Variants in PCDHGA4 observed in about 807,000 individuals in gnomAD.
PCDHGA4 encodes the protein protocadherin gamma-A4.
A neutral mutation model predicts 54.6 loss-of-function variants in PCDHGA4; 38 were observed. The ratio of observed to expected loss-of-function variants is 0.70; its 90% CI spans 0.54 to 0.91. The LOEUF (loss-of-function observed/expected upper bound fraction) is 0.91, where lower values mean the gene tolerates loss of function less well. PCDHGA4 is among the 40% of genes least tolerant of loss of function. The pLI is 0.00. For missense variants in PCDHGA4, 1,298 were observed against 1,220.9 expected, an observed-to-expected ratio of 1.06 and a Z score of -0.94; for synonymous variants, 511 against 512.9, an observed-to-expected ratio of 1.00 and a Z score of 0.05.
At position 141,397,489 on chromosome 5, in the gene PCDHGA4, A is replaced by G. The variant is rs568778994; in HGVS notation, c.2514+39868A>G. 3.3e-5 allele frequency among the ~76,000 whole-genome samples: 5 copies of G among 152,372 alleles called. No homozygotes were observed. In the East Asian group the frequency reaches 9.6e-4, roughly 29 times the overall value. ...GGAGTTGGAAATCATAGAAATGAAC[A>G]GAAGAATGATAAAATTGTTTCCATA... On this transcript the variant is annotated intron_variant, in intron 1 of 3. Coordinates refer to ENST00000571252, the MANE Select transcript of PCDHGA4 (RefSeq NM_018917.4).
intron 2 of PCDHGA4, among the ~76,000 whole-genome samples, chr5:141,502,866 C>CTCTTTTTTT (rs1554188502): frequency 7.8e-6 from 1 of 128,046 alleles, no homozygotes; most frequent in African/African-American, 3.1e-5. Context: ...GACTCTCTGT[C>CTCTTTTTTT]TTTTTTTTTT....
At chr5:141,418,530 G>T in intron 1 of PCDHGA4, 6 of 1,613,952 alleles carry the variant, frequency 3.7e-6, no homozygotes, top group Non-Finnish European at 5.1e-6. Flanking sequence ...CCCCGAAGCG[G>T]TACTGCTCAG....
chr5:141,374,334 T>G, intron 1 of PCDHGA4: 2 of 1,614,018 alleles, frequency 1.2e-6, no homozygotes, highest in South Asian at 2.2e-5. Flanking sequence ...AACGGCAGCT[T>G]GGTCACCGCG....
chr5:141,412,906 TG>T (rs2095588206), intron 1 of PCDHGA4: 2 of 384,208 alleles, frequency 5.2e-6, no homozygotes, highest in Admixed American at 8.2e-5. Context: ...TTCCATTGCA[TG>T]TATCACTTGG....
At chr5:141,440,113 G>A (rs1375262224) in intron 1 of PCDHGA4, 1 of 152,248 alleles carries the variant, frequency 6.6e-6, no homozygotes, top group Non-Finnish European at 1.5e-5. Context: ...ACTTACTTGT[G>A]AATGACTGAA....
At chr5:141,398,727 A>G in intron 1 of PCDHGA4, 1 of 1,613,894 alleles carries the variant, frequency 6.2e-7, no homozygotes, top group Middle Eastern at 1.6e-4. Flanking sequence ...AGAAAACCTT[A>G]GACCGGGAAC....
Position 141,486,859 on chromosome 5 carries a change from T to C in PCDHGA4, c.2515-7948T>C, listed in dbSNP as rs1231188225. ...TTGTGCTGGACCTCAATGACAATGC[T>C]CCAGCTGTGCTCCGTCCTCGGGCCC... On this transcript the variant is annotated intron_variant, in intron 1 of 3. Transcript: ENST00000571252. The surrounding 1 kb of genome is among the most constrained non-coding windows in gnomAD (Gnocchi z 5.0). The C allele has an allele frequency of 1.9e-6, 3 of 1,614,242 alleles. No individual in the cohort carries two copies. The highest frequency in any genetic ancestry group is 2.7e-5 in the African/African-American group (2 of 75,072).
intron 3 of PCDHGA4, 57 bp from the exon 4 acceptor site, chr5:141,510,890 A>G (rs1434557860): frequency 1.2e-5 from 20 of 1,612,748 alleles, no homozygotes; most frequent in South Asian, 3.3e-5. Context: ...GATATAAGAC[A>G]GTGACTGTTG....
chr5:141,357,225 G>A lies in PCDHGA4; in HGVS notation c.2118G>A (p.Leu706=). ...ADSIPDVLAD[L]GSLKPSADPD... is the part of the protein sequence containing the mutation. Reference sequence around the variant, plus strand: ...GCATCCCAGATGTCCTGGCTGACTTGGGCAGCCTCAAGCCTTCAGCAGACC... The same window carrying A: ...GCATCCCAGATGTCCTGGCTGACTTAGGCAGCCTCAAGCCTTCAGCAGACC... Residue 706 remains leucine (L), a synonymous_variant, in exon 1 of 4, where the codon TTG becomes TTA. Transcript: ENST00000571252. The A allele has an allele frequency of 1.9e-6, 3 of 1,613,814 alleles. No homozygotes were observed. The highest frequency in any genetic ancestry group is 2.5e-6 in the Non-Finnish European group (3 of 1,179,842).
At position 141,418,204 on chromosome 5, in the gene PCDHGA4, T is replaced by G. The variant is rs1456912993; in HGVS notation, c.2514+60583T>G. ...AAGCTGTGGTGGAAAATCCTTTAAATATTTTTCATGTCATTGTGGTGATTG... is the reference window on the plus strand; with the variant it reads ...AAGCTGTGGTGGAAAATCCTTTAAAGATTTTTCATGTCATTGTGGTGATTG... On this transcript the variant is annotated intron_variant, in intron 1 of 3. Transcript: ENST00000571252. The G allele has an allele frequency of 2.5e-6, 4 of 1,614,054 alleles. No homozygotes were observed. The East Asian group carries it at 8.9e-5, about 36-fold the overall frequency.
intron 1 of PCDHGA4, chr5:141,419,136 A>G: frequency 1.9e-6 from 3 of 1,613,918 alleles, no homozygotes; most frequent in Non-Finnish European, 1.7e-6. Context: ...GCAGCCACAG[A>G]CAGGGGCAAG....
Position 141,423,157 on chromosome 5 carries a change from G to C in PCDHGA4, c.2514+65536G>C, listed in dbSNP as rs527921011. The C allele has an allele frequency of 7.4e-6, 12 of 1,610,820 alleles. No homozygotes were observed. The South Asian group carries it at 1.2e-4, about 16-fold the overall frequency. ...CAGAGACGCGCTCAAGCAGAGCCTC[G>C]TGGTGGCCGTCCAGGACCACGGCCA... On this transcript the variant is annotated intron_variant, in intron 1 of 3. Coordinates refer to ENST00000571252, the MANE Select transcript of PCDHGA4 (RefSeq NM_018917.4).
rs2093887845 is a variant in PCDHGA4, at chr5:141,399,791, C to T, written c.2514+42170C>T. ...TTGGTGGGCGACCGAAACGACAACG[C>T]ACCGCGGGTGCTGTACCCCGCGCTG... On this transcript the variant is annotated intron_variant, in intron 1 of 3. Transcript: ENST00000571252. 1.2e-6 allele frequency: 2 copies of T among 1,613,128 alleles called. No individual in the cohort carries two copies. Among genetic ancestry groups the T allele is most frequent in the Admixed American group, 1.7e-5 (1 of 59,984 alleles).
At chr5:141,366,516 G>A (rs1198130864) in intron 1 of PCDHGA4, 2 of 1,614,274 alleles carry the variant, frequency 1.2e-6, no homozygotes, top group East Asian at 2.2e-5. Flanking sequence ...CAGGCTGAAG[G>A]CAGCAGGTTG....
chr5:141,433,192 A>G (rs756991371), intron 1 of PCDHGA4: 1 of 1,585,516 alleles, frequency 6.3e-7, no homozygotes, highest in Non-Finnish European at 8.6e-7. Flanking sequence ...AGGTGAGTTT[A>G]TATCAAATCT....
chr5:141,361,066 A>C (rs1761866525), intron 1 of PCDHGA4: 2 of 1,613,958 alleles, frequency 1.2e-6, no homozygotes, highest in Non-Finnish European at 1.7e-6. Flanking sequence ...GGATTTTGAG[A>C]TTGCAAGTAG....
chr5:141,377,133 G>A (rs1013848288), intron 1 of PCDHGA4: 25 of 152,138 alleles, frequency 1.6e-4, no homozygotes, highest in African/African-American at 5.8e-4. Flanking sequence ...ATTTTGTGGG[G>A]GAAAATAATG....
At chr5:141,434,392 CA>C (rs1377925864) in intron 1 of PCDHGA4, among the ~76,000 whole-genome samples, 2 of 152,210 alleles carry the variant, frequency 1.3e-5, no homozygotes, top group Non-Finnish European at 2.9e-5. Context: ...TGGCCATAAA[CA>C]AAATCTCTGC....
intron 1 of PCDHGA4, chr5:141,412,426 A>G (rs1051574976): frequency 2.6e-5 from 4 of 152,234 alleles, no homozygotes; most frequent in African/African-American, 9.6e-5. Context: ...GTTTTACACA[A>G]AAAGGTTAAT....
Sources: allele counts gnomAD v4.1 joint callset (sites outside exome capture counted in the v4.1 genomes callset), GRCh38; gene constraint gnomAD v4.1.1; non-coding constraint Gnocchi (gnomAD v3.1); transcripts MANE v1.5; gene names NCBI Gene and HGNC (gene_info 2026-07-23, HGNC 2026-07-21).